Variants in SLC16A7 observed in about 807,000 individuals in gnomAD.
SLC16A7 encodes the protein solute carrier family 16 member 7.
A neutral mutation model predicts 34.9 loss-of-function variants in SLC16A7; 33 were observed. That is an observed-to-expected ratio of 0.94 (90% CI 0.72 to 1.26). The LOEUF is 1.26. Among genes scored for constraint, SLC16A7 ranks in the 50% most tolerant of loss-of-function variants. The pLI is 0.00. For missense variants in SLC16A7, 573 were observed against 578.1 expected (o/e 0.99, Z 0.09); for synonymous variants, 201 against 206.6 (o/e 0.97, Z 0.23).
intron 3 of SLC16A7, among the ~76,000 whole-genome samples, chr12:59,716,618 C>A (rs1247367293): frequency 6.6e-6 from 1 of 152,106 alleles, no homozygotes; most frequent in Non-Finnish European, 1.5e-5. Context: ...GAGGCCAAGG[C>A]AGGGGGATCA....
rs571125505 is a variant in SLC16A7 at position 59,706,533 on chromosome 12, G to A, written c.217+1515G>A. 2.0e-5 allele frequency among the ~76,000 whole-genome samples: 3 copies of A among 151,998 alleles called. No individual in the cohort carries two copies. The South Asian group carries it at 6.3e-4, about 32-fold the overall frequency. On this transcript the variant is annotated intron_variant, in intron 3 of 5. Coordinates refer to ENST00000547379, the MANE Select transcript of SLC16A7 (RefSeq NM_001270623.2). ...AAAGGTATCCTTTAAATACTATTTG[G>A]GCGTGTCAATGGAAAATTCTACTTC...
chr12:59,752,367 G>A (rs1879688946), intron 3 of SLC16A7, among the ~76,000 whole-genome samples: 2 of 152,120 alleles, frequency 1.3e-5, no homozygotes, highest in South Asian at 2.1e-4. Context: ...AAAAAATTTA[G>A]ACGAATGTAT....
chr12:59,641,066 G>T (rs1378967699), intron 1 of SLC16A7, among the ~76,000 whole-genome samples: 1 of 151,922 alleles, frequency 6.6e-6, no homozygotes, highest in African/African-American at 2.4e-5. Context: ...AACTGTTTAA[G>T]CTTTATCTAT....
chr12:59,619,485 AG>A (rs1879602963), intron 1 of SLC16A7, among the ~76,000 whole-genome samples: 1 of 152,020 alleles, frequency 6.6e-6, no homozygotes, highest in South Asian at 2.1e-4. Flanking sequence ...TTATCTTGAG[AG>A]GGAAAATACA....
chr12:59,648,305 A>T (rs1457051111), intron 1 of SLC16A7, among the ~76,000 whole-genome samples: 1 of 152,226 alleles, frequency 6.6e-6, no homozygotes, highest in Admixed American at 6.5e-5. Flanking sequence ...ATAATTGCAT[A>T]GTCCATTCCA....
chr12:59,752,796 A>G (rs533432395), intron 3 of SLC16A7, among the ~76,000 whole-genome samples: 7 of 152,326 alleles, frequency 4.6e-5, no homozygotes, highest in African/African-American at 1.7e-4. Context: ...TCCAAGACAC[A>G]TAATTGTCAG....
chr12:59,704,284 G>A (rs1423625047), intron 2 of SLC16A7, among the ~76,000 whole-genome samples: 2 of 150,834 alleles, frequency 1.3e-5, no homozygotes, highest in African/African-American at 2.4e-5. Context: ...ATCAAAAAGC[G>A]TAGACAACAG....
intron 2 of SLC16A7, among the ~76,000 whole-genome samples, chr12:59,681,132 A>G (rs1231565483): frequency 6.6e-6 from 1 of 152,230 alleles, no homozygotes; most frequent in Non-Finnish European, 1.5e-5. Flanking sequence ...ACACCTGACC[A>G]TCCGAATCTT....
intron 3 of SLC16A7, among the ~76,000 whole-genome samples, chr12:59,738,503 G>T (rs1877868505): frequency 6.6e-6 from 1 of 152,142 alleles, no homozygotes; most frequent in South Asian, 2.1e-4. Flanking sequence ...TATGGGAGAA[G>T]GCCTGTCTAT....
chr12:59,675,147 G>A (rs1389956838), intron 2 of SLC16A7, among the ~76,000 whole-genome samples: 7 of 152,174 alleles, frequency 4.6e-5, no homozygotes, highest in African/African-American at 1.7e-4. Context: ...TGATGAGAGA[G>A]GACAGGCTCA....
chr12:59,628,884 G>A (rs1880054052), intron 1 of SLC16A7, among the ~76,000 whole-genome samples: 1 of 151,726 alleles, frequency 6.6e-6, no homozygotes, highest in Non-Finnish European at 1.5e-5. Context: ...CATTTACATT[G>A]CTTGGAGGTC....
At chr12:59,741,165 C>T (rs2137284162) in intron 3 of SLC16A7, among the ~76,000 whole-genome samples, 1 of 152,116 alleles carries the variant, frequency 6.6e-6, no homozygotes, top group East Asian at 1.9e-4. Context: ...CAATGCCATC[C>T]CCATCAAGCT....
intron 3 of SLC16A7, 29 bp from the exon 4 acceptor site, chr12:59,771,190 A>C: frequency 1.9e-6 from 3 of 1,591,262 alleles, no homozygotes; most frequent in Non-Finnish European, 2.6e-6. Flanking sequence ...AGAGCAACTG[A>C]GTATTTCTTT....
At chr12:59,742,556 G>A (rs1878459757) in intron 3 of SLC16A7, among the ~76,000 whole-genome samples, 1 of 152,162 alleles carries the variant, frequency 6.6e-6, no homozygotes, top group Non-Finnish European at 1.5e-5. Flanking sequence ...GTGTTCTGCA[G>A]TTTAAAGAGA....
intron 3 of SLC16A7, among the ~76,000 whole-genome samples, chr12:59,757,460 G>A (rs985743997): frequency 6.6e-6 from 1 of 151,950 alleles, no homozygotes; most frequent in East Asian, 1.9e-4. Flanking sequence ...ATCTGACAGA[G>A]GGTTCTAATT....
Position 59,787,131 on chromosome 12 carries a change from C to T in SLC16A7, c.*7452C>T, listed in dbSNP as rs546247357. The T allele has an allele frequency of 6.6e-6, 1 of 151,974 alleles. No individual in the cohort carries two copies. The highest frequency in any genetic ancestry group is 2.4e-5 in the African/African-American group (1 of 41,384). The allele number at this position is 151,974 out of a possible 1,614,324, so 9.4% of individuals were successfully genotyped here. A position where few individuals can be genotyped will look rare whatever the true frequency, so the allele number is the denominator to read the frequency against. On this transcript the variant is annotated 3_prime_UTR_variant, in exon 6 of 6. Transcript: ENST00000547379. Reference sequence around the variant, plus strand: ...AAACATGTCAATATCTCATTAATTCCTTTTTTATTTTATGTTCCTTTTTAT... The same window carrying T: ...AAACATGTCAATATCTCATTAATTCTTTTTTTATTTTATGTTCCTTTTTAT...
chr12:59,612,511 C>A (rs1034163612), intron 1 of SLC16A7, among the ~76,000 whole-genome samples: 7 of 152,162 alleles, frequency 4.6e-5, no homozygotes, highest in African/African-American at 1.7e-4. Flanking sequence ...GAGACATTTT[C>A]CCCATTGTCT....
chr12:59,764,367 A>C (rs1881340284), intron 3 of SLC16A7, among the ~76,000 whole-genome samples: 1 of 152,202 alleles, frequency 6.6e-6, no homozygotes, highest in Non-Finnish European at 1.5e-5. Context: ...GTTTTAGAGT[A>C]CATGTGCACA....
At chr12:59,649,658 AAAGTTCTAGGC>A in intron 1 of SLC16A7, among the ~76,000 whole-genome samples, 1 of 152,096 alleles carries the variant, frequency 6.6e-6, no homozygotes, top group Non-Finnish European at 1.5e-5. Flanking sequence ...TTTTACTTTA[AAAGTTCTAGGC>A]CAGACAAGGT....
Sources: gnomAD v4.1 joint callset for allele counts (sites outside exome capture counted in the v4.1 genomes callset) on GRCh38, gnomAD v4.1.1 for gene constraint, MANE v1.5 for transcripts, NCBI Gene and HGNC (gene_info 2026-07-23, HGNC 2026-07-21) for gene names.